TMEM44: variants seen among roughly 807,000 people sequenced by gnomAD.
TMEM44 encodes transmembrane protein 44.
Under a neutral mutation model 47.8 loss-of-function variants are expected in TMEM44, and 43 were observed. That is an observed-to-expected ratio of 0.90 (90% confidence interval 0.70 to 1.16). The LOEUF is 1.16. Among genes scored for constraint, TMEM44 ranks in the 50% most tolerant of loss-of-function variants. The pLI is 0.00. For synonymous variants in TMEM44, 277 were observed against 238.8 expected (o/e 1.16, Z -1.48); for missense variants, 568 against 555.2 (o/e 1.02, Z -0.23).
chr3:194,625,199 A>G (rs1717009953), intron 3 of TMEM44, among the ~76,000 whole-genome samples: 1 of 151,976 alleles, frequency 6.6e-6, no homozygotes, highest in Non-Finnish European at 1.5e-5. Flanking sequence ...GCTTCGCTTG[A>G]CCACCCCGAA....
chr3:194,625,861 G>T, intron 3 of TMEM44, 36 bp downstream of exon 3: 1 of 1,551,818 alleles, frequency 6.4e-7, no homozygotes, highest in Non-Finnish European at 8.9e-7. Flanking sequence ...GAATGAATGG[G>T]TGAATAAAGA....
At chr3:194,597,987 C>T (rs891437550) in intron 9 of TMEM44, among the ~76,000 whole-genome samples, 2 of 152,180 alleles carry the variant, frequency 1.3e-5, no homozygotes, top group Non-Finnish European at 2.9e-5. Context: ...TTCATTGTGC[C>T]CTTCGGATGG....
At chr3:194,625,770 G>T in intron 3 of TMEM44, 127 bp downstream of exon 3, 2 of 806,918 alleles carry the variant, frequency 2.5e-6, no homozygotes, top group Non-Finnish European at 4.2e-6. Flanking sequence ...GTGAGCCACC[G>T]CGCCCAGCCT....
intron 9 of TMEM44, chr3:194,589,607 A>T (rs1157542449): frequency 6.6e-6 from 1 of 152,092 alleles, no homozygotes; most frequent in Non-Finnish European, 1.5e-5. Context: ...CTGCCAGTGA[A>T]TAGTTCATCA....
chr3:194,623,692 C>T lies in TMEM44; in HGVS notation c.362G>A (p.Arg121Gln), dbSNP rs199587312. Residue 121 changes from arginine (R) to glutamine (Q), a missense_variant, in exon 4 of 10, where the codon CGG becomes CAG. By Grantham distance (43) the Arg-to-Gln change is conservative (BLOSUM62 1). Transcript: ENST00000347147. ...CCTCCTCTTCCTCTCTCGGGCTTCC[C>T]GATCTGCAACAGACACCAAAATCCC... ...CGSKFKSNSD[R>Q]EARERKRRRQ... The T allele has an allele frequency of 6.1e-4, 987 of 1,613,924 alleles. No homozygotes were observed. Among genetic ancestry groups the T allele is most frequent in the Non-Finnish European group, 7.4e-4 (877 of 1,179,990 alleles).
At chr3:194,593,141 AGCTCAGGACCAGCTCCTGTCT>A in intron 9 of TMEM44, 1 of 1,540,606 alleles carries the variant, frequency 6.5e-7, no homozygotes, top group Non-Finnish European at 9.0e-7. Flanking sequence ...AGCAGAGCAG[AGCTCAGGACCAGCTCCTGTCT>A]GCTCAGTGAG....
rs192454658 is a variant in TMEM44 at position 194,596,242 on chromosome 3, C to T, written c.1177-7603G>A. Among the ~76,000 whole-genome samples the T allele has an allele frequency of 3.6e-4, 55 of 152,142 alleles. 1 individual carries two copies. The East Asian group carries it at 9.3e-3, about 26-fold the overall frequency. ...AAATCCTGCTGTATTCCCTGCAGGACGGAAATGAAAGGAGGCAGAGCGCGC... is the reference window on the plus strand; with the variant it reads ...AAATCCTGCTGTATTCCCTGCAGGATGGAAATGAAAGGAGGCAGAGCGCGC... On this transcript the variant is annotated intron_variant, in intron 9 of 9. Transcript: ENST00000347147.
intron 6 of TMEM44, among the ~76,000 whole-genome samples, chr3:194,616,077 A>G (rs537522610): frequency 4.6e-4 from 70 of 151,662 alleles, no homozygotes; most frequent in African/African-American, 1.5e-3. Flanking sequence ...TTTGAGACAG[A>G]GTCTCGCTCT....
Position 194,611,671 on chromosome 3 carries a change from A to G in TMEM44, c.913-651T>C, listed in dbSNP as rs1715337115. 6.6e-6 allele frequency among the ~76,000 whole-genome samples: 1 copy of G among 152,192 alleles called. No homozygotes were observed. The highest frequency in any genetic ancestry group is 1.5e-5 in the Non-Finnish European group (1 of 68,038). Reference sequence around the variant, plus strand: ...ATAGGTGCCCAATAAGTGCTTTTGCAAAGCTGTGGTTCTCTAACCTTGATG... The same window carrying G: ...ATAGGTGCCCAATAAGTGCTTTTGCGAAGCTGTGGTTCTCTAACCTTGATG... On this transcript the variant is annotated intron_variant, in intron 7 of 9. Coordinates refer to ENST00000347147, the MANE Select transcript of TMEM44 (RefSeq NM_001011655.3). The surrounding 1 kb of genome is among the most constrained non-coding windows in gnomAD (Gnocchi z 4.2).
At chr3:194,592,941 G>C (rs1712946036) in intron 9 of TMEM44, 2 of 1,397,408 alleles carry the variant, frequency 1.4e-6, no homozygotes, top group Non-Finnish European at 2.0e-6. Context: ...GAAGGAATTT[G>C]TCATGGGTCT....
chr3:194,628,588 T>C (rs556290141), intron 1 of TMEM44, 79 bp from the exon 2 acceptor site: 3 of 1,477,982 alleles, frequency 2.0e-6, no homozygotes, highest in Non-Finnish European at 2.7e-6. Context: ...AGGGCAACTG[T>C]GACCCCGCAT....
chr3:194,622,258 G>A (rs1716624725), intron 5 of TMEM44, among the ~76,000 whole-genome samples: 1 of 152,202 alleles, frequency 6.6e-6, no homozygotes, highest in Non-Finnish European at 1.5e-5. Flanking sequence ...TCCCTTCTGA[G>A]GTAACGTGAC....
Position 194,623,758 on chromosome 3 carries a change from T to C in TMEM44, c.359-63A>G, listed in dbSNP as rs1678492980. 10 of 1,599,610 alleles carry C rather than the reference T, an allele frequency of 6.3e-6. No individual in the cohort carries two copies. The South Asian group carries it at 7.9e-5, about 13-fold the overall frequency. ...GCCAGACCTTGTCAGATCAGATAGC[T>C]GCGTGGGAAGAACTGGTGTCAGCTC... On this transcript the variant is annotated intron_variant, in intron 3 of 9. Coordinates refer to ENST00000347147, the MANE Select transcript of TMEM44 (RefSeq NM_001011655.3).
intron 6 of TMEM44, chr3:194,616,634 G>GT (rs1560184466): frequency 2.2e-6 from 1 of 456,480 alleles, no homozygotes. Context: ...TGCAGACGGC[G>GT]TGGCCCTGCC....
intron 9 of TMEM44, among the ~76,000 whole-genome samples, chr3:194,603,404 CT>C (rs529989131): frequency 1.8e-3 from 256 of 145,552 alleles, no homozygotes; most frequent in Non-Finnish European, 1.7e-3. Context: ...AGCACTGAGA[CT>C]TTTTTTTTTT....
intron 9 of TMEM44, among the ~76,000 whole-genome samples, chr3:194,603,201 G>A (rs1260124240): frequency 6.6e-6 from 1 of 152,198 alleles, no homozygotes; most frequent in African/African-American, 2.4e-5. Flanking sequence ...TGAGAGTTAC[G>A]CCTGTGTGTG....
In TMEM44 at chr3:194,621,502, G is replaced by A. The variant is rs146393021; in HGVS notation, c.612+1722C>T. 5.0e-3 allele frequency among the ~76,000 whole-genome samples: 759 copies of A among 152,208 alleles called. 3 individuals carry two copies. The highest frequency in any genetic ancestry group is 0.016 in the African/African-American group (668 of 41,522). On this transcript the variant is annotated intron_variant, in intron 5 of 9. Coordinates refer to ENST00000347147, the MANE Select transcript of TMEM44 (RefSeq NM_001011655.3). ...TGACACCACCCTGGAGAGCCACCCC[G>A]GTGGGCTGCTGAGCTGAGCCCAGTG... is the stretch of plus-strand genomic sequence containing the variant.
chr3:194,603,806 C>T (rs963859892), intron 9 of TMEM44, among the ~76,000 whole-genome samples: 16 of 152,150 alleles, frequency 1.1e-4, no homozygotes, highest in African/African-American at 3.9e-4. Flanking sequence ...ACCGTGGAAA[C>T]CTCTTGTTGG....
At chr3:194,615,324 C>T (rs112475067) in intron 7 of TMEM44, among the ~76,000 whole-genome samples, 393 of 152,200 alleles carry the variant, frequency 2.6e-3, no homozygotes, top group African/African-American at 8.6e-3. Flanking sequence ...TCCCAAGCCC[C>T]GGCCCTCATG....
Sources: gnomAD v4.1 joint callset for allele counts (sites outside exome capture counted in the v4.1 genomes callset) on GRCh38, gnomAD v4.1.1 for gene constraint, Gnocchi (gnomAD v3.1) non-coding constraint, MANE v1.5 for transcripts, NCBI Gene and HGNC (gene_info 2026-07-23, HGNC 2026-07-21) for gene names.